MDN1: variants seen among roughly 807,000 people sequenced by gnomAD.
The protein encoded by MDN1 is midasin AAA ATPase 1, also known as midasin.
A neutral mutation model predicts 669.2 loss-of-function variants in MDN1; 266 were observed. The ratio of observed to expected loss-of-function variants is 0.40; its 90% CI spans 0.36 to 0.44. The LOEUF (loss-of-function observed/expected upper bound fraction) is 0.44. Ranked by LOEUF, MDN1 falls within the 20% of genes least tolerant of loss-of-function variation. MDN1 has a pLI of 1.00. For synonymous variants in MDN1, 2,385 were observed against 2,457.1 expected (o/e 0.97, Z 0.87); for missense variants, 5,940 against 6,754.0 (o/e 0.88, Z 4.22).
In MDN1 at chr6:89,729,053, T is replaced by C; in HGVS notation, c.5227A>G (p.Thr1743Ala). The C allele has an allele frequency of 2.5e-6, 4 of 1,614,062 alleles. No individual in the cohort carries two copies. Among genetic ancestry groups the C allele is most frequent in the Non-Finnish European group, 3.4e-6 (4 of 1,179,962 alleles). The change falls in exon 36 of 102, where the codon ACC becomes GCC. Residue 1743 changes from threonine (T) to alanine (A), a missense_variant. Coordinates refer to ENST00000369393, the MANE Select transcript of MDN1 (RefSeq NM_014611.3). The part of the protein sequence containing the change: ...AMNAQRLLRA[T>A]KLKKPILLEG... The stretch of plus-strand genomic sequence containing the variant: ...AGGAGAATGGGCTTCTTCAGTTTGG[T>C]AGCTCTTAAGAGCCTCTGTGCATTC...
intron 8 of MDN1, 32 bp downstream of exon 8, chr6:89,787,822 A>G: frequency 6.5e-7 from 1 of 1,533,780 alleles, no homozygotes; most frequent in Admixed American, 1.8e-5. Context: ...AAGTGGCTCC[A>G]GAGTGAAAAC....
chr6:89,673,569 C>G, intron 79 of MDN1, 107 bp from the exon 80 acceptor site: 2 of 991,702 alleles, frequency 2.0e-6, no homozygotes, highest in Non-Finnish European at 3.1e-6. Context: ...CTCATCATAG[C>G]TGAAGGTTTA....
At chr6:89,808,959 G>A (rs912782319) in intron 1 of MDN1, among the ~76,000 whole-genome samples, 1 of 152,116 alleles carries the variant, frequency 6.6e-6, no homozygotes, top group Admixed American at 6.5e-5. Context: ...GCTCATGCCT[G>A]TAATCCCAGC....
chr6:89,680,864 G>C, intron 73 of MDN1, 113 bp from the exon 74 acceptor site: 2 of 1,126,962 alleles, frequency 1.8e-6, no homozygotes, highest in East Asian at 5.1e-5. Context: ...TCAGCAAATA[G>C]AGAACAAATG....
Position 89,725,348 on chromosome 6 carries a change from C to A in MDN1, c.5521G>T (p.Asp1841Tyr). The change falls in exon 38 of 102, where the codon GAC becomes TAC. Residue 1841 changes from aspartate (D) to tyrosine (Y), a missense_variant. Physicochemically the swap from Asp to Tyr is radical, Grantham distance 160 (BLOSUM62 -3). Around this residue, in one of 5 missense-constraint regions of MDN1, gnomAD observed 2,292 missense variants for 2,638.3 expected, o/e 0.87. Coordinates refer to ENST00000369393, the MANE Select transcript of MDN1 (RefSeq NM_014611.3). ...SVLEGLNACF[D>Y]HRGEIYVPEL... The stretch of plus-strand genomic sequence containing the variant: ...GGCACATAGATTTCTCCTCGGTGGT[C>A]AAAACAAGCATTGAGTCCTTCCAAT... The A allele has an allele frequency of 6.2e-7, 1 of 1,613,802 alleles. No homozygotes were observed. The highest frequency in any genetic ancestry group is 1.1e-5 in the South Asian group (1 of 91,030).
In MDN1 at chr6:89,723,100, C is replaced by A. The variant is rs1286814522; in HGVS notation, c.5822G>T (p.Gly1941Val). 2.5e-6 allele frequency: 4 copies of A among 1,614,110 alleles called. No homozygotes were observed. Among genetic ancestry groups the A allele is most frequent in the Non-Finnish European group, 2.5e-6 (3 of 1,179,982 alleles). Reference sequence around the variant, plus strand: ...CCGGAGGTTGAATTCCCAGGGTCCTCCTTTTTGCCCCCATTTCTTCTCAAC... The same window carrying A: ...CCGGAGGTTGAATTCCCAGGGTCCTACTTTTTGCCCCCATTTCTTCTCAAC... ...VTVEKKWGQK[G>V]GPWEFNLRDL... is the part of the protein sequence containing the mutation. Residue 1941 changes from glycine to valine, a missense_variant, in exon 40 of 102, where the codon GGA (glycine) becomes GTA (valine). By Grantham distance (109) the Gly-to-Val change is moderately radical. Transcript: ENST00000369393.
chr6:89,719,974 G>A (rs1468111587), intron 40 of MDN1, among the ~76,000 whole-genome samples: 6 of 151,822 alleles, frequency 4.0e-5, no homozygotes, highest in Admixed American at 3.3e-4. Flanking sequence ...GCGGATAGAG[G>A]TATATAAAAA....
Position 89,715,788 on chromosome 6 carries a change from G to T in MDN1, c.6744-19C>A. ...TGATGGGCTGCAGAGACAGAATTCAGATGGTGGATAGGCTGACATGCTGCA... is the reference window on the plus strand; with the variant it reads ...TGATGGGCTGCAGAGACAGAATTCATATGGTGGATAGGCTGACATGCTGCA... On this transcript the variant is annotated intron_variant, in intron 44 of 101. Coordinates refer to ENST00000369393, the MANE Select transcript of MDN1 (RefSeq NM_014611.3). 6.6e-7 allele frequency: 1 copy of T among 1,507,596 alleles called. No individual in the cohort carries two copies. The highest frequency in any genetic ancestry group is 9.2e-7 in the Non-Finnish European group (1 of 1,083,060). 93.4% of individuals were successfully genotyped at this position (1,507,596 alleles called of 1,614,324 possible). A position where few individuals can be genotyped will look rare whatever the true frequency, so the allele number is the denominator to read the frequency against.
At chr6:89,719,918 C>G (rs1313666021) in intron 40 of MDN1, among the ~76,000 whole-genome samples, 1 of 152,094 alleles carries the variant, frequency 6.6e-6, no homozygotes, top group Non-Finnish European at 1.5e-5. Context: ...GTTCTGTTGA[C>G]TCTTTTATTT....
intron 1 of MDN1, among the ~76,000 whole-genome samples, chr6:89,810,262 C>T (rs993489397): frequency 6.6e-6 from 1 of 151,522 alleles, no homozygotes; most frequent in East Asian, 2.0e-4. Flanking sequence ...ACGGTGAAAC[C>T]CCGTCTCTAC....
At position 89,707,492 on chromosome 6, in the gene MDN1, A is replaced by G; in HGVS notation, c.7899-16T>C. The G allele has an allele frequency of 1.4e-6, 2 of 1,470,562 alleles. No individual in the cohort carries two copies. 91.1% of individuals were successfully genotyped at this position (1,470,562 alleles called of 1,614,324 possible). On this transcript the variant is annotated splice_polypyrimidine_tract_variant and intron_variant, in intron 51 of 101. Transcript: ENST00000369393. ...TATGATTGTCCTGGAATGAGATTCA[A>G]AAAACGTAACAAATAGCTATCGGTT...
chr6:89,814,487 G>A (rs568576485), intron 1 of MDN1, among the ~76,000 whole-genome samples: 1 of 150,752 alleles, frequency 6.6e-6, no homozygotes, highest in Non-Finnish European at 1.5e-5. Flanking sequence ...GCCTCCAACA[G>A]TGCTGTGATG....
chr6:89,748,027 G>A (rs1816752115), intron 26 of MDN1, among the ~76,000 whole-genome samples: 1 of 150,978 alleles, frequency 6.6e-6, no homozygotes, highest in African/African-American at 2.4e-5. Flanking sequence ...ATAGAAAAAA[G>A]ATGATTAATA....
At chr6:89,774,395 A>G (rs1453300804) in intron 13 of MDN1, among the ~76,000 whole-genome samples, 1 of 152,252 alleles carries the variant, frequency 6.6e-6, no homozygotes, top group South Asian at 2.1e-4. Flanking sequence ...TCAATAATTC[A>G]TCTTTGGTAG....
chr6:89,664,176 A>G (rs1253068809), intron 85 of MDN1, among the ~76,000 whole-genome samples: 1 of 152,074 alleles, frequency 6.6e-6, no homozygotes, highest in Non-Finnish European at 1.5e-5. Flanking sequence ...CTACAGAACA[A>G]TTTGCCTTTT....
At chr6:89,700,550 C>A (rs1272175867) in intron 56 of MDN1, 96 bp downstream of exon 56, 2 of 1,266,082 alleles carry the variant, frequency 1.6e-6, no homozygotes. Flanking sequence ...CCTCACATCA[C>A]CCAGAAAAGA....
At chr6:89,723,679 A>G in intron 38 of MDN1, 60 bp from the exon 39 acceptor site, 1 of 919,472 alleles carries the variant, frequency 1.1e-6, no homozygotes. Context: ...AACACTAGAA[A>G]TGACTACCAT....
At position 89,678,765 on chromosome 6, in the gene MDN1, G is replaced by A. The variant is rs376902956; in HGVS notation, c.12266-20C>T. 43 of 1,598,602 alleles carry A rather than the reference G, an allele frequency of 2.7e-5. No homozygotes were observed. In the East Asian group the frequency reaches 2.9e-4, roughly 11 times the overall value. On this transcript the variant is annotated intron_variant, in intron 74 of 101. Coordinates refer to ENST00000369393, the MANE Select transcript of MDN1 (RefSeq NM_014611.3). ...CTTCACCTGTAAGGGAAAACAAGGC[G>A]GGGAGGGGAGACAATAAGAAAATCC...
intron 52 of MDN1, 93 bp downstream of exon 52, chr6:89,707,268 A>AAAC (rs1813576233): frequency 1.2e-6 from 1 of 865,400 alleles, no homozygotes; most frequent in Admixed American, 2.0e-5. Flanking sequence ...AGAAACCAGT[A>AAAC]AACAACAGCA....
Sources: gnomAD v4.1 joint callset for allele counts (sites outside exome capture counted in the v4.1 genomes callset) on GRCh38, gnomAD v4.1.1 for gene constraint, gnomAD v4.1.1 regional missense constraint, MANE v1.5 for transcripts, NCBI Gene and HGNC (gene_info 2026-07-23, HGNC 2026-07-21) for gene names.